ZNF430: variants seen among roughly 807,000 people sequenced by gnomAD.
ZNF430 encodes the protein zinc finger protein 430.
Under a neutral mutation model 56.7 loss-of-function variants are expected in ZNF430, and 35 were observed. The observed-to-expected ratio is 0.62, with a 90% confidence interval of 0.47 to 0.82. The LOEUF (loss-of-function observed/expected upper bound fraction) is 0.82. Among genes scored for constraint, ZNF430 ranks in the 40% least tolerant of loss-of-function variants. The pLI is 0.00. For missense variants in ZNF430, 574 were observed against 661.0 expected (o/e 0.87, Z 1.44); for synonymous variants, 212 against 224.3 (o/e 0.94, Z 0.49).
intron 4 of ZNF430, among the ~76,000 whole-genome samples, chr19:21,050,191 ATTC>A (rs5827492): frequency 6.6e-6 from 1 of 151,776 alleles, no homozygotes; most frequent in African/African-American, 2.4e-5. Flanking sequence ...GCCCCCCTAT[ATTC>A]TTCTAAGATT....
intron 4 of ZNF430, among the ~76,000 whole-genome samples, chr19:21,045,577 A>G (rs1291746213): frequency 1.3e-5 from 2 of 152,176 alleles, no homozygotes; most frequent in East Asian, 1.9e-4. Flanking sequence ...GTAGATATCT[A>G]TCAGGTCCAT....
At chr19:21,036,153 G>A (rs1322033891) in intron 4 of ZNF430, 4 of 152,106 alleles carry the variant, frequency 2.6e-5, no homozygotes, top group South Asian at 2.1e-4. Context: ...TTTGCAATTC[G>A]GTTTATCTCT....
chr19:21,029,936 G>A (rs938971133), intron 2 of ZNF430, among the ~76,000 whole-genome samples: 3 of 151,328 alleles, frequency 2.0e-5, no homozygotes, highest in Non-Finnish European at 4.4e-5. Context: ...CTGCACTCCA[G>A]CCTGGTGACA....
chr19:21,032,540 C>T (rs10406276), intron 2 of ZNF430, among the ~76,000 whole-genome samples: 7,439 of 152,108 alleles, frequency 0.049, 586 homozygotes, highest in African/African-American at 0.17. Context: ...CCAGACTGAC[C>T]AACATGGAGA....
intron 2 of ZNF430, among the ~76,000 whole-genome samples, chr19:21,028,978 C>T (rs575359373): frequency 3.9e-5 from 6 of 152,338 alleles, no homozygotes; most frequent in African/African-American, 1.4e-4. Context: ...GCCACCATGC[C>T]TGGCAATTCT....
chr19:21,031,865 GTTTGT>G (rs370721711), intron 2 of ZNF430, among the ~76,000 whole-genome samples: 320 of 152,272 alleles, frequency 2.1e-3, no homozygotes, highest in African/African-American at 6.6e-3. Flanking sequence ...TTCTTAAGGA[GTTTGT>G]TTTAACTACA....
chr19:21,033,763 T>A, intron 3 of ZNF430, 181 bp downstream of exon 3: 2 of 737,060 alleles, frequency 2.7e-6, no homozygotes, highest in Non-Finnish European at 4.1e-6. Context: ...TATCTTGACT[T>A]AAACTTTCCA....
intron 2 of ZNF430, among the ~76,000 whole-genome samples, chr19:21,026,553 G>A (rs935530396): frequency 1.3e-5 from 2 of 152,266 alleles, no homozygotes; most frequent in Middle Eastern, 3.4e-3. Context: ...ATTCTGATTA[G>A]CTGTATTCCT....
Position 21,058,596 on chromosome 19 carries a change from A to C in ZNF430, c.*575A>C, listed in dbSNP as rs1014975378. ...ATGTAAAGAATGTGACAAGGCCTTT[A>C]AATGGTTGTCACACTTCATTATAGG... is the stretch of plus-strand genomic sequence containing the variant. On this transcript the variant is annotated 3_prime_UTR_variant, in exon 5 of 5. Transcript: ENST00000261560. 6.3e-6 allele frequency: 1 copy of C among 158,126 alleles called. No individual in the cohort carries two copies. Among genetic ancestry groups the C allele is most frequent in the Admixed American group, 6.4e-5 (1 of 15,524 alleles). The allele number at this position is 158,126 out of a possible 1,614,324, so 9.8% of individuals were successfully genotyped here. A position where few individuals can be genotyped will look rare whatever the true frequency, so the allele number is the denominator to read the frequency against.
In ZNF430 at chr19:21,040,967, C is replaced by T. The variant is rs1053517616; in HGVS notation, c.322+6783C>T. On this transcript the variant is annotated intron_variant, in intron 4 of 4. Transcript: ENST00000261560. ...ATATTATATTCAATATAATTACTGC[C>T]ACCTCACCCAATTATGGTTACTATT... Among the ~76,000 whole-genome samples the T allele has an allele frequency of 6.1e-4, 92 of 151,950 alleles. 1 individual carries two copies. Among genetic ancestry groups the T allele is most frequent in the African/African-American group, 2.0e-3 (84 of 41,360 alleles).
rs199557062 is a variant in ZNF430 at position 21,020,823 on chromosome 19, C to A, written c.3+20C>A. The A allele has an allele frequency of 1.5e-4, 246 of 1,613,846 alleles. 4 individuals carry two copies. The South Asian group carries it at 2.6e-3, about 17-fold the overall frequency. On this transcript the variant is annotated intron_variant, in intron 1 of 4. Coordinates refer to ENST00000261560, the MANE Select transcript of ZNF430 (RefSeq NM_025189.4). ...GAAATGGTGAGAGTGCCGGGTCCGA[C>A]ATCCCCAGAGAGGGGAGGGGCTGGT... is the stretch of plus-strand genomic sequence containing the variant.
intron 4 of ZNF430, among the ~76,000 whole-genome samples, chr19:21,054,190 G>C (rs1968331807): frequency 6.6e-6 from 1 of 151,946 alleles, no homozygotes; most frequent in African/African-American, 2.4e-5. Context: ...TTATAATAAT[G>C]CTTAAAAATT....
chr19:21,053,123 G>T (rs1399491547), intron 4 of ZNF430, among the ~76,000 whole-genome samples: 1 of 152,068 alleles, frequency 6.6e-6, no homozygotes, highest in African/African-American at 2.4e-5. Context: ...CCTAGTGGCT[G>T]CACTTAGCTG....
intron 2 of ZNF430, among the ~76,000 whole-genome samples, chr19:21,025,325 C>T (rs1469713516): frequency 2.0e-5 from 3 of 152,196 alleles, no homozygotes; most frequent in Admixed American, 1.3e-4. Context: ...ACTGTCATGG[C>T]ACTGGTGGGA....
intron 4 of ZNF430, among the ~76,000 whole-genome samples, chr19:21,039,613 C>T (rs866374903): frequency 1.3e-5 from 2 of 151,602 alleles, no homozygotes; most frequent in African/African-American, 2.4e-5. Context: ...ATTACAGGCA[C>T]CCACCATTAT....
At chr19:21,047,464 G>C (rs1968201730) in intron 4 of ZNF430, among the ~76,000 whole-genome samples, 1 of 152,150 alleles carries the variant, frequency 6.6e-6, no homozygotes, top group Non-Finnish European at 1.5e-5. Flanking sequence ...TTTCATCTTT[G>C]TGAGTTTTTC....
At chr19:21,040,010 G>C (rs183617562) in intron 4 of ZNF430, among the ~76,000 whole-genome samples, 2 of 151,836 alleles carry the variant, frequency 1.3e-5, no homozygotes, top group Non-Finnish European at 2.9e-5. Context: ...CTAATTTTTT[G>C]ATTTTTTTGT....
rs766017862 is a variant in ZNF430, at chr19:21,057,059, C to T, written c.751C>T (p.His251Tyr). The T allele has an allele frequency of 1.2e-6, 2 of 1,614,074 alleles. No individual in the cohort carries two copies. The highest frequency in any genetic ancestry group is 1.7e-6 in the Non-Finnish European group (2 of 1,179,964). ...VFNWFSTLTR[H>Y]RRIHTGEKPY... ...TAACTGGTTCTCAACCCTTACTAGA[C>T]ACAGAAGAATTCATACTGGAGAGAA... The change falls in exon 5 of 5, where the codon CAC (histidine) becomes TAC (tyrosine). Residue 251 changes from histidine to tyrosine, a missense_variant. Physicochemically the swap from His to Tyr is moderately conservative, Grantham distance 83. Around this residue, in one of 3 missense-constraint regions of ZNF430, gnomAD observed 346 missense variants for 399.1 expected, o/e 0.87. Coordinates refer to ENST00000261560, the MANE Select transcript of ZNF430 (RefSeq NM_025189.4).
intron 2 of ZNF430, among the ~76,000 whole-genome samples, chr19:21,031,773 A>C (rs7247413): frequency 0.83 from 125,580 of 152,130 alleles, 53,563 homozygotes; most frequent in Middle Eastern, 0.94. Context: ...GTGTCTCAGA[A>C]GAAGAGCTGT....
Sources: gnomAD v4.1 joint callset for allele counts (sites outside exome capture counted in the v4.1 genomes callset) on GRCh38, gnomAD v4.1.1 for gene constraint, gnomAD v4.1.1 regional missense constraint, MANE v1.5 for transcripts, NCBI Gene and HGNC (gene_info 2026-07-23, HGNC 2026-07-21) for gene names.